CFAP61: variants seen among roughly 807,000 people sequenced by gnomAD.
CFAP61 encodes the protein cilia and flagella associated protein 61, also known as cilia- and flagella-associated protein 61.
A neutral mutation model predicts 135.6 loss-of-function variants in CFAP61; 107 were observed. The ratio of observed to expected loss-of-function variants is 0.79; its 90% CI spans 0.67 to 0.93. CFAP61 has a LOEUF of 0.93. CFAP61 is among the 40% of genes least tolerant of loss of function. The pLI is 0.00. For missense variants in CFAP61, 1,507 were observed against 1,556.2 expected (o/e 0.97, Z 0.53); for synonymous variants, 575 against 578.5 (o/e 0.99, Z 0.09).
rs61744710 is a variant in CFAP61 at position 20,199,826 on chromosome 20, G to C, written c.1856G>C (p.Arg619Pro). 2 of 1,614,096 alleles carry C rather than the reference G, an allele frequency of 1.2e-6. No homozygotes were observed. The highest frequency in any genetic ancestry group is 1.7e-6 in the Non-Finnish European group (2 of 1,180,002). Residue 619 changes from arginine to proline, a missense_variant, in exon 17 of 27, where the codon CGA (arginine) becomes CCA (proline). Transcript: ENST00000245957. The stretch of plus-strand genomic sequence containing the variant: ...GCCCTTCATTACTTGGTTCCCGTGC[G>C]ACCACGACGACAGATTGTCTATCCT... ...TSALHYLVPV[R>P]PRRQIVYPLE...
chr20:20,074,885 G>C (rs192855724), intron 4 of CFAP61, among the ~76,000 whole-genome samples: 1 of 152,168 alleles, frequency 6.6e-6, no homozygotes, highest in East Asian at 1.9e-4. Flanking sequence ...ACACCAGACC[G>C]TCCAGATGCC....
chr20:20,174,222 G>T (rs1394002202), intron 13 of CFAP61, among the ~76,000 whole-genome samples: 2 of 152,142 alleles, frequency 1.3e-5, no homozygotes, highest in East Asian at 3.9e-4. Flanking sequence ...TGCCACCTGA[G>T]CCCTCATCAG....
rs1384547342 is a variant in CFAP61 at position 20,086,326 on chromosome 20, C to T, written c.567-4518C>T. 7.4e-5 allele frequency among the ~76,000 whole-genome samples: 8 copies of T among 107,744 alleles called. 1 individual carries two copies. The highest frequency in any genetic ancestry group is 3.1e-4 in the African/African-American group (8 of 26,112). 70.7% of individuals were successfully genotyped at this position (107,744 alleles called of 152,430 possible). A position where few individuals can be genotyped will look rare whatever the true frequency, so the allele number is the denominator to read the frequency against. On this transcript the variant is annotated intron_variant, in intron 6 of 26. Transcript: ENST00000245957. Reference sequence around the variant, plus strand: ...TGCTATCCCTCCCCCCTCCCCCCACCCCACAACAGTCCCTGGAGTGTGATG... The same window carrying T: ...TGCTATCCCTCCCCCCTCCCCCCACTCCACAACAGTCCCTGGAGTGTGATG...
chr20:20,052,731 G>C (rs1229543825), intron 1 of CFAP61, 140 bp downstream of exon 1: 1 of 1,594,240 alleles, frequency 6.3e-7, no homozygotes, highest in Non-Finnish European at 8.6e-7. Flanking sequence ...CCCTGCAAGG[G>C]AGTAAGAACG....
intron 26 of CFAP61, among the ~76,000 whole-genome samples, chr20:20,343,136 C>T (rs2058506999): frequency 6.6e-6 from 1 of 152,162 alleles, no homozygotes. Context: ...GGATTACAGG[C>T]GTGAGCCATC....
At chr20:20,171,000 A>T (rs993710120) in intron 13 of CFAP61, among the ~76,000 whole-genome samples, 2 of 152,218 alleles carry the variant, frequency 1.3e-5, no homozygotes, top group African/African-American at 4.8e-5. Context: ...CTCATTTCAC[A>T]GGTAAGAAAA....
intron 8 of CFAP61, among the ~76,000 whole-genome samples, chr20:20,118,561 G>A (rs1409633031): frequency 4.0e-5 from 6 of 151,868 alleles, no homozygotes; most frequent in African/African-American, 7.3e-5. Context: ...GGTTGGTCTC[G>A]AACTCCTGAC....
intron 3 of CFAP61, chr20:20,074,026 A>C: frequency 2.2e-6 from 1 of 445,414 alleles, no homozygotes; most frequent in South Asian, 2.9e-5. Context: ...CCCGCAGCTC[A>C]TTCGTGAGGG....
intron 22 of CFAP61, among the ~76,000 whole-genome samples, chr20:20,287,143 CAG>C (rs1390654399): frequency 6.7e-6 from 1 of 149,462 alleles, no homozygotes; most frequent in Non-Finnish European, 1.5e-5. Flanking sequence ...GAGAGAGACT[CAG>C]AGAAATATAT....
intron 8 of CFAP61, among the ~76,000 whole-genome samples, chr20:20,099,552 T>C (rs187494063): frequency 1.2e-3 from 174 of 144,020 alleles, no homozygotes; most frequent in African/African-American, 4.4e-3. Context: ...ATTTGTAAAA[T>C]GGGCATAATA....
chr20:20,351,158 G>T (rs6046812), intron 26 of CFAP61, among the ~76,000 whole-genome samples: 81,267 of 151,512 alleles, frequency 0.54, 22,810 homozygotes, highest in East Asian at 0.63. Flanking sequence ...AAAGGAAGAG[G>T]TGAAATTGTC....
In CFAP61 at chr20:20,202,907, C is replaced by CT. The variant is rs1314525730; in HGVS notation, c.1932+3008dup. On this transcript the variant is annotated intron_variant, in intron 17 of 26. Transcript: ENST00000245957. ...CTTAGAGTGACCATCCAGTCCCTAC[C>CT]TTTCACCTAGGAAGCCAATCTTCAA... is the stretch of plus-strand genomic sequence containing the variant. Among the ~76,000 whole-genome samples the CT allele has an allele frequency of 1.1e-4, 17 of 152,194 alleles. No individual in the cohort carries two copies. The East Asian group carries it at 3.3e-3, about 29-fold the overall frequency.
intron 2 of CFAP61, among the ~76,000 whole-genome samples, chr20:20,061,488 CA>C (rs966549959): frequency 2.0e-5 from 3 of 152,062 alleles, no homozygotes; most frequent in African/African-American, 7.2e-5. Flanking sequence ...ATATGCCACC[CA>C]AAATCTCACC....
chr20:20,328,640 T>C (rs1165807606), intron 25 of CFAP61, among the ~76,000 whole-genome samples: 2 of 152,084 alleles, frequency 1.3e-5, no homozygotes. Context: ...ATACTTCTGA[T>C]AGGGGGTTAA....
chr20:20,200,938 G>A (rs557315484), intron 17 of CFAP61: 1 of 985,272 alleles, frequency 1.0e-6, no homozygotes, highest in Non-Finnish European at 1.2e-6. Flanking sequence ...CAACTCAGAG[G>A]CAGCTTTGTG....
rs78418151 is a variant in CFAP61, at chr20:20,296,091, T to C, written c.3217-2090T>C. 8.8e-4 allele frequency among the ~76,000 whole-genome samples: 16 copies of C among 18,266 alleles called. 1 individual carries two copies. The highest frequency in any genetic ancestry group is 2.7e-3 in the African/African-American group (13 of 4,744). The allele number at this position is 18,266 out of a possible 152,430, so 12.0% of individuals were successfully genotyped here. On this transcript the variant is annotated intron_variant, in intron 24 of 26. Transcript: ENST00000245957. ...TTCCTTCCCTCCTTTTCTTCCTTCT[T>C]TCCTTCCTTCCTTCCCTCCCTCCTT...
intron 8 of CFAP61, among the ~76,000 whole-genome samples, chr20:20,106,000 C>CTATATATATA (rs10523115): frequency 3.7e-4 from 38 of 102,626 alleles, no homozygotes; most frequent in South Asian, 1.2e-3. Context: ...CTACTCTTGC[C>CTATATATATA]TATATATATA....
chr20:20,102,820 C>G (rs1286153085), intron 8 of CFAP61, among the ~76,000 whole-genome samples: 1 of 152,154 alleles, frequency 6.6e-6, no homozygotes, highest in African/African-American at 2.4e-5. Context: ...TGATCTTTCC[C>G]TGCCAGCTGT....
chr20:20,070,535 A>C (rs1454711232), intron 2 of CFAP61, among the ~76,000 whole-genome samples: 1 of 152,228 alleles, frequency 6.6e-6, no homozygotes, highest in East Asian at 1.9e-4. Context: ...GGTACTGGCA[A>C]CATGGAGAGG....
Sources: gnomAD v4.1 joint callset for allele counts (sites outside exome capture counted in the v4.1 genomes callset) on GRCh38, gnomAD v4.1.1 for gene constraint, MANE v1.5 for transcripts, NCBI Gene and HGNC (gene_info 2026-07-23, HGNC 2026-07-21) for gene names.